Variants in DGKI observed in about 807,000 individuals in gnomAD.
DGKI encodes the protein DAG kinase iota.
In DGKI, 55 loss-of-function variants were observed where a neutral mutation model predicts 147.5. The observed-to-expected ratio is 0.37, with a 90% CI of 0.30 to 0.47. DGKI has a LOEUF of 0.47. Among genes scored for constraint, DGKI ranks in the 20% least tolerant of loss-of-function variants. The pLI is 1.00. For missense variants in DGKI, 1,007 were observed against 1,323.8 expected, an observed-to-expected ratio of 0.76 and a Z score of 3.71; for synonymous variants, 469 against 477.1, an observed-to-expected ratio of 0.98 and a Z score of 0.22.
At chr7:137,765,796 C>T (rs551263117) in intron 1 of DGKI, among the ~76,000 whole-genome samples, 9 of 152,262 alleles carry the variant, frequency 5.9e-5, no homozygotes, top group African/African-American at 1.9e-4. Context: ...GGAGGCCTCC[C>T]GGAATCCTGC....
At chr7:137,637,507 T>C (rs1290948890) in intron 6 of DGKI, among the ~76,000 whole-genome samples, 2 of 152,248 alleles carry the variant, frequency 1.3e-5, no homozygotes, top group African/African-American at 2.4e-5. Flanking sequence ...ACCTGTTTAC[T>C]AGACTTTCAT....
At chr7:137,819,789 C>A (rs938923427) in intron 1 of DGKI, among the ~76,000 whole-genome samples, 1 of 152,222 alleles carries the variant, frequency 6.6e-6, no homozygotes, top group African/African-American at 2.4e-5. Flanking sequence ...CCACAGCCTG[C>A]CAGTTCATCC....
At chr7:137,547,040 AT>A (rs1239098697) in intron 20 of DGKI, among the ~76,000 whole-genome samples, 3 of 152,232 alleles carry the variant, frequency 2.0e-5, no homozygotes, top group Non-Finnish European at 4.4e-5. Context: ...TTATCTATTT[AT>A]TAATAGTTCA....
At chr7:137,617,348 G>A (rs1479272686) in intron 8 of DGKI, among the ~76,000 whole-genome samples, 2 of 151,942 alleles carry the variant, frequency 1.3e-5, no homozygotes, top group Non-Finnish European at 2.9e-5. Context: ...TCTATACTAA[G>A]GGAAGCTTAA....
intron 8 of DGKI, among the ~76,000 whole-genome samples, chr7:137,618,151 A>ATATATTTTTTTT: frequency 1.9e-4 from 2 of 10,466 alleles, no homozygotes; most frequent in African/African-American, 1.2e-4. Context: ...ATATATATAT[A>ATATATTTTTTTT]TTTTTTTTTT....
chr7:137,705,315 A>G (rs1424247509), intron 1 of DGKI, among the ~76,000 whole-genome samples: 1 of 152,130 alleles, frequency 6.6e-6, no homozygotes, highest in Non-Finnish European at 1.5e-5. Flanking sequence ...AAAGAAAACA[A>G]TTCAACTGTC....
At chr7:137,655,368 T>G (rs1426056879) in intron 4 of DGKI, among the ~76,000 whole-genome samples, 1 of 152,054 alleles carries the variant, frequency 6.6e-6, no homozygotes, top group Non-Finnish European at 1.5e-5. Context: ...CTGGCTAATT[T>G]TTTGTATTTT....
intron 1 of DGKI, among the ~76,000 whole-genome samples, chr7:137,698,145 AAT>A (rs147250252): frequency 2.3e-4 from 34 of 147,580 alleles, no homozygotes; most frequent in East Asian, 7.9e-4. Context: ...TATAACTCCA[AAT>A]ATATATATAT....
intron 1 of DGKI, among the ~76,000 whole-genome samples, chr7:137,837,229 T>C (rs1476914472): frequency 6.6e-6 from 1 of 152,228 alleles, no homozygotes; most frequent in Non-Finnish European, 1.5e-5. Context: ...CTTGACACAG[T>C]GTAAGCATTT....
intron 5 of DGKI, among the ~76,000 whole-genome samples, chr7:137,652,125 G>T (rs1563133007): frequency 6.6e-6 from 1 of 152,032 alleles, no homozygotes; most frequent in African/African-American, 2.4e-5. Context: ...ATGTTTTTGG[G>T]TTTTTTTAAA....
At chr7:137,807,783 T>A (rs1333452746) in intron 1 of DGKI, among the ~76,000 whole-genome samples, 1 of 152,220 alleles carries the variant, frequency 6.6e-6, no homozygotes, top group African/African-American at 2.4e-5. Context: ...CTGCTGCTAC[T>A]GTCCATAAAC....
At chr7:137,405,071 C>G (rs1000735521) in intron 30 of DGKI, among the ~76,000 whole-genome samples, 3 of 152,220 alleles carry the variant, frequency 2.0e-5, no homozygotes, top group East Asian at 1.9e-4. Context: ...TGAAAAGCTA[C>G]TGTGTTAAGG....
At chr7:137,576,123 C>G (rs891601611) in intron 17 of DGKI, among the ~76,000 whole-genome samples, 2 of 150,972 alleles carry the variant, frequency 1.3e-5, no homozygotes, top group Non-Finnish European at 2.9e-5. Context: ...ACTGCAACCT[C>G]TGCCTCCCAG....
intron 18 of DGKI, 73 bp downstream of exon 18, chr7:137,572,692 T>C: frequency 9.6e-7 from 1 of 1,040,826 alleles, no homozygotes; most frequent in Non-Finnish European, 1.4e-6. Flanking sequence ...TCTGAAACTT[T>C]TCTGTTATGA....
intron 19 of DGKI, among the ~76,000 whole-genome samples, 168 bp from the exon 20 acceptor site, chr7:137,552,736 C>T (rs867627972): frequency 7.5e-5 from 11 of 147,412 alleles, no homozygotes; most frequent in Middle Eastern, 3.5e-3. Context: ...TGGCGAGACC[C>T]GGTCTCTACT....
chr7:137,549,662 G>A (rs1041740199), intron 20 of DGKI, among the ~76,000 whole-genome samples: 1 of 152,194 alleles, frequency 6.6e-6, no homozygotes, highest in Non-Finnish European at 1.5e-5. Flanking sequence ...TCACACAATT[G>A]ATGGTCAAAG....
intron 1 of DGKI, among the ~76,000 whole-genome samples, chr7:137,795,299 C>A (rs760198989): frequency 6.6e-6 from 1 of 152,196 alleles, no homozygotes; most frequent in Non-Finnish European, 1.5e-5. Flanking sequence ...GCTGTGAAAA[C>A]CAGTGGCCTA....
At chr7:137,557,744 G>A (rs1818275135) in intron 19 of DGKI, among the ~76,000 whole-genome samples, 1 of 152,068 alleles carries the variant, frequency 6.6e-6, no homozygotes. Context: ...AACTCAGACA[G>A]GCAGCCCTCA....
chr7:137,716,209 G>A lies in DGKI; in HGVS notation c.402-26207C>T, dbSNP rs1794371679. Among the ~76,000 whole-genome samples, 3 of 152,138 alleles carry A rather than the reference G, an allele frequency of 2.0e-5. No individual in the cohort carries two copies. In the South Asian group the frequency reaches 6.2e-4, roughly 32 times the overall value. Reference sequence around the variant, plus strand: ...GAAATTCAATGTTATAGTTCTCTGGGAATCACGGAACATTCTTACAACTGT... The same window carrying A: ...GAAATTCAATGTTATAGTTCTCTGGAAATCACGGAACATTCTTACAACTGT... On this transcript the variant is annotated intron_variant, in intron 1 of 32. Coordinates refer to ENST00000614521, the MANE Select transcript of DGKI (RefSeq NM_001321708.2).
Sources: allele counts gnomAD v4.1 joint callset (sites outside exome capture counted in the v4.1 genomes callset), GRCh38; gene constraint gnomAD v4.1.1; transcripts MANE v1.5; gene names NCBI Gene and HGNC (gene_info 2026-07-23, HGNC 2026-07-21).